DOK5: variants seen among roughly 807,000 people sequenced by gnomAD.
DOK5 encodes the protein docking protein 5.
A neutral mutation model predicts 43.3 loss-of-function variants in DOK5; 27 were observed. That is an observed-to-expected ratio of 0.62 (90% CI 0.46 to 0.86). The LOEUF (loss-of-function observed/expected upper bound fraction) is 0.86. DOK5 is among the 40% of genes least tolerant of loss of function. The pLI, the probability that DOK5 is intolerant of heterozygous loss-of-function variation, is 0.00. For synonymous variants in DOK5, 146 were observed against 140.1 expected (o/e 1.04, Z -0.30); for missense variants, 373 against 392.9 (o/e 0.95, Z 0.43).
At chr20:54,529,640 G>A (rs911734645) in intron 1 of DOK5, among the ~76,000 whole-genome samples, 1 of 151,832 alleles carries the variant, frequency 6.6e-6, no homozygotes, top group East Asian at 1.9e-4. Flanking sequence ...TTACACTGTT[G>A]TGTAACCATC....
At chr20:54,596,433 T>G (rs1986144280) in intron 5 of DOK5, among the ~76,000 whole-genome samples, 1 of 152,192 alleles carries the variant, frequency 6.6e-6, no homozygotes, top group Non-Finnish European at 1.5e-5. Flanking sequence ...ATGTTCAGCC[T>G]CTCTCTTAGA....
At chr20:54,520,067 G>C (rs999645027) in intron 1 of DOK5, among the ~76,000 whole-genome samples, 1 of 152,134 alleles carries the variant, frequency 6.6e-6, no homozygotes, top group Non-Finnish European at 1.5e-5. Context: ...CAATGCTTAT[G>C]TTATTGGGCC....
chr20:54,565,749 G>T (rs1214609954), intron 2 of DOK5, among the ~76,000 whole-genome samples: 1 of 152,170 alleles, frequency 6.6e-6, no homozygotes, highest in Non-Finnish European at 1.5e-5. Flanking sequence ...ATGGTCGGGC[G>T]CAGTGGCTCA....
intron 2 of DOK5, among the ~76,000 whole-genome samples, chr20:54,579,045 AG>A (rs1568793002): frequency 6.6e-6 from 1 of 152,226 alleles, no homozygotes; most frequent in Non-Finnish European, 1.5e-5. Context: ...TATGAAGAAA[AG>A]TCAATTTCAT....
At chr20:54,602,138 G>A in intron 5 of DOK5, among the ~76,000 whole-genome samples, 1 of 152,136 alleles carries the variant, frequency 6.6e-6, no homozygotes, top group Non-Finnish European at 1.5e-5. Flanking sequence ...CTTTGGCTTT[G>A]ACGTTTTAAA....
intron 5 of DOK5, among the ~76,000 whole-genome samples, chr20:54,604,715 T>C (rs1332287402): frequency 6.6e-6 from 1 of 152,094 alleles, no homozygotes; most frequent in Non-Finnish European, 1.5e-5. Flanking sequence ...TAAATATACA[T>C]GTTGGCCGGG....
intron 6 of DOK5, among the ~76,000 whole-genome samples, chr20:54,623,135 T>G (rs1291532022): frequency 2.0e-5 from 3 of 152,182 alleles, no homozygotes; most frequent in Non-Finnish European, 2.9e-5. Context: ...GTGGCAGTTT[T>G]ATTTCCCAGG....
intron 1 of DOK5, among the ~76,000 whole-genome samples, chr20:54,545,071 C>T (rs1600692576): frequency 6.6e-6 from 1 of 152,128 alleles, no homozygotes; most frequent in East Asian, 1.9e-4. Context: ...TAAATTTCTC[C>T]CAACGTTAGC....
chr20:54,630,706 C>T (rs988105475), intron 6 of DOK5, among the ~76,000 whole-genome samples: 1 of 152,152 alleles, frequency 6.6e-6, no homozygotes, highest in Non-Finnish European at 1.5e-5. Context: ...TTATTGGCTA[C>T]AGATTAGTCT....
At chr20:54,569,608 C>G (rs1985218035) in intron 2 of DOK5, among the ~76,000 whole-genome samples, 1 of 152,140 alleles carries the variant, frequency 6.6e-6, no homozygotes, top group Non-Finnish European at 1.5e-5. Flanking sequence ...CTGGTTACTG[C>G]CAGGATGTCT....
At chr20:54,598,987 A>G (rs1883732993) in intron 5 of DOK5, among the ~76,000 whole-genome samples, 1 of 152,198 alleles carries the variant, frequency 6.6e-6, no homozygotes, top group Non-Finnish European at 1.5e-5. Context: ...TAAAATGACA[A>G]TTGTTTTGAT....
chr20:54,636,354 G>T (rs1426034285), intron 6 of DOK5, among the ~76,000 whole-genome samples: 2 of 152,198 alleles, frequency 1.3e-5, no homozygotes, highest in African/African-American at 4.8e-5. Context: ...TTTAGATGTA[G>T]TTTAAAAATG....
At chr20:54,571,341 G>A (rs1221494173) in intron 2 of DOK5, among the ~76,000 whole-genome samples, 1 of 138,464 alleles carries the variant, frequency 7.2e-6, no homozygotes, top group Non-Finnish European at 1.5e-5. Flanking sequence ...CATGGTTAAA[G>A]GTCAACATGT....
chr20:54,478,097 T>C (rs913893305), intron 1 of DOK5, among the ~76,000 whole-genome samples: 1 of 152,258 alleles, frequency 6.6e-6, no homozygotes, highest in Non-Finnish European at 1.5e-5. Flanking sequence ...TATTGAATTA[T>C]GGTTATTGCT....
At chr20:54,566,584 T>G (rs1418854464) in intron 2 of DOK5, among the ~76,000 whole-genome samples, 1 of 152,176 alleles carries the variant, frequency 6.6e-6, no homozygotes, top group Non-Finnish European at 1.5e-5. Context: ...CTCACCAGCA[T>G]TTGGCATTTG....
chr20:54,518,573 C>T (rs966521239), intron 1 of DOK5, among the ~76,000 whole-genome samples: 13 of 151,992 alleles, frequency 8.6e-5, no homozygotes, highest in South Asian at 2.1e-4. Flanking sequence ...TGAATAGTGC[C>T]GCAATAAACA....
At chr20:54,567,749 A>G (rs539228805) in intron 2 of DOK5, among the ~76,000 whole-genome samples, 1 of 152,268 alleles carries the variant, frequency 6.6e-6, no homozygotes, top group African/African-American at 2.4e-5. Context: ...AGTTATGTTA[A>G]GCCTATAGAG....
At chr20:54,546,397 A>G (rs1356049862) in intron 1 of DOK5, among the ~76,000 whole-genome samples, 4 of 152,124 alleles carry the variant, frequency 2.6e-5, no homozygotes, top group African/African-American at 7.2e-5. Flanking sequence ...GAGGATATAT[A>G]TCTTTTTTTT....
intron 6 of DOK5, among the ~76,000 whole-genome samples, chr20:54,620,375 A>G (rs1400803884): frequency 1.3e-5 from 2 of 152,118 alleles, no homozygotes; most frequent in African/African-American, 4.8e-5. Flanking sequence ...AGTAGCTGGG[A>G]TTACAGGCAC....
Sources: gnomAD v4.1 joint callset for allele counts (sites outside exome capture counted in the v4.1 genomes callset) on GRCh38, gnomAD v4.1.1 for gene constraint, MANE v1.5 for transcripts, NCBI Gene and HGNC (gene_info 2026-07-23, HGNC 2026-07-21) for gene names.